The following EDA variants were observed in gnomAD, a reference collection of about 807,000 sequenced individuals.
EDA encodes the protein ectodysplasin A, also known as ectodysplasin-A.
A neutral mutation model predicts 23.6 loss-of-function variants in EDA; 2 were observed. The ratio of observed to expected loss-of-function variants is 0.08; its 90% confidence interval spans 0.03 to 0.27. EDA has a LOEUF of 0.27. EDA is among the 10% of genes least tolerant of loss of function. EDA has a pLI of 1.00. For synonymous variants in EDA, 131 were observed against 132.0 expected, an observed-to-expected ratio of 0.99 and a Z score of 0.05; for missense variants, 229 against 324.2, an observed-to-expected ratio of 0.71 and a Z score of 2.26.
intron 2 of EDA, among the ~76,000 whole-genome samples, chrX:69,988,417 C>CTT (rs2019536283): frequency 8.9e-6 from 1 of 112,104 alleles, no homozygotes; most frequent in African/African-American, 3.2e-5. Context: ...GATTGTAACA[C>CTT]AAAGGATAAA....
At chrX:69,947,726 A>G (rs1371351271) in intron 1 of EDA, among the ~76,000 whole-genome samples, 1 of 112,190 alleles carries the variant, frequency 8.9e-6, no homozygotes, top group Non-Finnish European at 1.9e-5. Flanking sequence ...GACTCTGACA[A>G]TAAAACAGTT....
At chrX:69,725,422 C>T (rs1226932947) in intron 1 of EDA, among the ~76,000 whole-genome samples, 1 of 112,340 alleles carries the variant, frequency 8.9e-6, no homozygotes, top group East Asian at 2.8e-4. Flanking sequence ...AAAATTTCTT[C>T]TATTCTGTGA....
chrX:69,969,601 A>T (rs1438720572), intron 2 of EDA, among the ~76,000 whole-genome samples: 2 of 112,317 alleles, frequency 1.8e-5, no homozygotes, highest in Admixed American at 1.9e-4. Context: ...AAAACTCTTT[A>T]AAAATAAGTT....
intron 1 of EDA, among the ~76,000 whole-genome samples, chrX:69,786,693 G>A (rs2015193068): frequency 9.2e-6 from 1 of 108,817 alleles, no homozygotes; most frequent in Non-Finnish European, 1.9e-5. Flanking sequence ...CATTTGCTGA[G>A]GAGAGCTTTA....
At chrX:69,730,573 C>T (rs774438312) in intron 1 of EDA, among the ~76,000 whole-genome samples, 1 of 111,645 alleles carries the variant, frequency 9.0e-6, no homozygotes, top group East Asian at 2.8e-4. Flanking sequence ...ACCTTCAAAC[C>T]CTACCTCTCT....
rs751197904 is a variant in EDA at position 69,677,147 on chromosome X, A to G, written c.396+60443A>G. 4.1e-4 allele frequency among the ~76,000 whole-genome samples: 42 copies of G among 103,467 alleles called. 1 individual carries two copies. The South Asian group carries it at 0.02, about 49-fold the overall frequency. 89.8% of individuals were successfully genotyped at this position (103,467 alleles called of 115,157 possible). On this transcript the variant is annotated intron_variant, in intron 1 of 7. Coordinates refer to ENST00000374552, the MANE Select transcript of EDA (RefSeq NM_001399.5). Reference sequence around the variant, plus strand: ...TCCAATTTCATCCATGTCCCTACAAAGGACATGAACTCATCCTTTTTTATG... The same window carrying G: ...TCCAATTTCATCCATGTCCCTACAAGGGACATGAACTCATCCTTTTTTATG...
rs1228697795 is a variant in EDA, at chrX:70,038,761, A to G, written c.*3152A>G. 1 of 112,429 alleles carries G rather than the reference A, an allele frequency of 8.9e-6. No homozygotes were observed. Among genetic ancestry groups the G allele is most frequent in the African/African-American group, 3.2e-5 (1 of 30,782 alleles). The allele number at this position is 112,429 out of a possible 1,213,427, so 9.3% of individuals were successfully genotyped here. On this transcript the variant is annotated 3_prime_UTR_variant, in exon 8 of 8. Coordinates refer to ENST00000374552, the MANE Select transcript of EDA (RefSeq NM_001399.5). ...TATGTAACTTCCTGTGGATGCAAAT[A>G]GATTCAGAGAAATTTAGAGCTAAAA...
chrX:69,716,323 G>A (rs758775572), intron 1 of EDA, among the ~76,000 whole-genome samples: 4 of 111,367 alleles, frequency 3.6e-5, no homozygotes, highest in Non-Finnish European at 7.5e-5. Flanking sequence ...TTGAATAGAG[G>A]GATTCCTTTC....
At chrX:70,017,819 C>T (rs1196092662) in intron 2 of EDA, among the ~76,000 whole-genome samples, 1 of 111,731 alleles carries the variant, frequency 9.0e-6, no homozygotes, top group Non-Finnish European at 1.9e-5. Context: ...CTCACCACTC[C>T]CATTCAACAC....
intron 1 of EDA, among the ~76,000 whole-genome samples, chrX:69,822,202 T>G (rs1318681309): frequency 9.0e-6 from 1 of 110,859 alleles, no homozygotes; most frequent in African/African-American, 3.3e-5. Flanking sequence ...GGAGGATGAC[T>G]TGAGCCAAGG....
chrX:69,753,695 T>C (rs887936778), intron 1 of EDA, among the ~76,000 whole-genome samples: 5 of 111,683 alleles, frequency 4.5e-5, no homozygotes, highest in African/African-American at 1.6e-4. Context: ...CCCATTATTA[T>C]TGTCTGGGTG....
chrX:69,630,172 G>C (rs967916567), intron 1 of EDA, among the ~76,000 whole-genome samples: 1 of 111,466 alleles, frequency 9.0e-6, no homozygotes, highest in African/African-American at 3.3e-5. Flanking sequence ...CTGTGTGAGG[G>C]AGTCAAGGAA....
At chrX:69,787,830 T>C (rs2015248256) in intron 1 of EDA, among the ~76,000 whole-genome samples, 2 of 110,903 alleles carry the variant, frequency 1.8e-5, no homozygotes, top group African/African-American at 6.5e-5. Flanking sequence ...TGAATCTGAA[T>C]GTTGGCCTGC....
chrX:69,749,249 C>G (rs1183799448), intron 1 of EDA, among the ~76,000 whole-genome samples: 1 of 88,991 alleles, frequency 1.1e-5, no homozygotes, highest in Non-Finnish European at 2.2e-5. Flanking sequence ...TCATCCATGT[C>G]CCTACAAAGG....
intron 1 of EDA, among the ~76,000 whole-genome samples, chrX:69,649,058 T>G (rs1457949980): frequency 8.9e-6 from 1 of 111,800 alleles, no homozygotes; most frequent in Non-Finnish European, 1.9e-5. Flanking sequence ...TCTACTTTTC[T>G]TCATTCTCTG....
At chrX:69,713,018 A>T (rs1190680233) in intron 1 of EDA, among the ~76,000 whole-genome samples, 2 of 95,669 alleles carry the variant, frequency 2.1e-5, no homozygotes, top group Non-Finnish European at 4.1e-5. Context: ...AACAATGAGA[A>T]CACATGGACA....
chrX:70,007,650 C>T (rs1007179262), intron 2 of EDA, among the ~76,000 whole-genome samples: 4 of 111,053 alleles, frequency 3.6e-5, no homozygotes, highest in African/African-American at 1.3e-4. Flanking sequence ...TGGACTAATG[C>T]AGATCTTAAT....
chrX:69,785,529 T>G (rs1381634041), intron 1 of EDA, among the ~76,000 whole-genome samples: 2 of 110,543 alleles, frequency 1.8e-5, no homozygotes, highest in African/African-American at 6.5e-5. Context: ...TCAAAGGCCT[T>G]TTCTGCATCT....
chrX:69,741,604 G>T (rs1170467242), intron 1 of EDA, among the ~76,000 whole-genome samples: 1 of 111,854 alleles, frequency 8.9e-6, no homozygotes, highest in African/African-American at 3.3e-5. Flanking sequence ...TTGCCAACTG[G>T]TTGTTCTATT....
Sources: allele counts gnomAD v4.1 joint callset (sites outside exome capture counted in the v4.1 genomes callset), GRCh38; gene constraint gnomAD v4.1.1; transcripts MANE v1.5; gene names NCBI Gene and HGNC (gene_info 2026-07-23, HGNC 2026-07-21).